PPHLN1: variants seen among roughly 807,000 people sequenced by gnomAD.
The protein encoded by PPHLN1 is periphilin-1.
Under a neutral mutation model 51.3 loss-of-function variants are expected in PPHLN1, and 29 were observed. The observed-to-expected ratio is 0.57, with a 90% CI of 0.42 to 0.77. The LOEUF is 0.77. Among genes scored for constraint, PPHLN1 ranks in the 30% least tolerant of loss-of-function variants. PPHLN1 has a pLI of 0.00. For missense variants in PPHLN1, 436 were observed against 438.4 expected, an observed-to-expected ratio of 0.99 and a Z score of 0.05; for synonymous variants, 147 against 147.8, an observed-to-expected ratio of 0.99 and a Z score of 0.04.
chr12:42,332,343 A>G (rs1158189870), intron 1 of PPHLN1, among the ~76,000 whole-genome samples: 1 of 152,240 alleles, frequency 6.6e-6, no homozygotes, highest in Non-Finnish European at 1.5e-5. Context: ...CATTGTTTAC[A>G]ATAACAGCTA....
At chr12:42,406,877 A>G (rs1465440800) in intron 9 of PPHLN1, among the ~76,000 whole-genome samples, 2 of 152,006 alleles carry the variant, frequency 1.3e-5, no homozygotes, top group Admixed American at 6.6e-5. Context: ...GATTTTATGT[A>G]TTGTTTGTAT....
chr12:42,435,024 A>C (rs2082358778), intron 9 of PPHLN1, among the ~76,000 whole-genome samples: 1 of 152,200 alleles, frequency 6.6e-6, no homozygotes, highest in Non-Finnish European at 1.5e-5. Flanking sequence ...ATTTTGTGGA[A>C]TCTGGTTTTG....
intron 2 of PPHLN1, among the ~76,000 whole-genome samples, chr12:42,349,081 A>G (rs916611857): frequency 1.3e-5 from 2 of 152,188 alleles, no homozygotes; most frequent in African/African-American, 4.8e-5. Flanking sequence ...TTTCCTAGCT[A>G]TTGAGAGATT....
chr12:42,422,406 A>G (rs2081085025), intron 9 of PPHLN1, among the ~76,000 whole-genome samples: 1 of 152,146 alleles, frequency 6.6e-6, no homozygotes, highest in African/African-American at 2.4e-5. Flanking sequence ...GCACATGGTA[A>G]TTTTCCATGA....
At chr12:42,418,319 C>T (rs1336441468) in intron 9 of PPHLN1, among the ~76,000 whole-genome samples, 2 of 148,296 alleles carry the variant, frequency 1.3e-5, no homozygotes, top group Non-Finnish European at 3.0e-5. Flanking sequence ...CAAAGATGAG[C>T]ACTGCAGAAT....
At chr12:42,368,652 C>T (rs2075507922) in intron 4 of PPHLN1, among the ~76,000 whole-genome samples, 1 of 152,052 alleles carries the variant, frequency 6.6e-6, no homozygotes, top group Admixed American at 6.5e-5. Flanking sequence ...CTCACAGAAC[C>T]CCCTTTTATG....
intron 1 of PPHLN1, among the ~76,000 whole-genome samples, chr12:42,327,646 C>G (rs2069007619): frequency 6.6e-6 from 1 of 152,218 alleles, no homozygotes; most frequent in Admixed American, 6.5e-5. Context: ...GCACTTCCCT[C>G]ACGGCATTTA....
At chr12:42,351,009 G>T (rs980926408) in intron 2 of PPHLN1, among the ~76,000 whole-genome samples, 1 of 151,976 alleles carries the variant, frequency 6.6e-6, no homozygotes. Flanking sequence ...GAGAGGGAGA[G>T]GGGGAGGGGA....
intron 2 of PPHLN1, among the ~76,000 whole-genome samples, chr12:42,340,447 A>G (rs1030547967): frequency 6.6e-6 from 1 of 152,258 alleles, no homozygotes; most frequent in Admixed American, 6.5e-5. Flanking sequence ...CAAACTGACA[A>G]CAAACCAGAT....
At chr12:42,349,609 C>G (rs1184550770) in intron 2 of PPHLN1, among the ~76,000 whole-genome samples, 2 of 152,200 alleles carry the variant, frequency 1.3e-5, no homozygotes, top group Non-Finnish European at 2.9e-5. Flanking sequence ...GGTGATGACT[C>G]TTAACGAGCA....
intron 5 of PPHLN1, among the ~76,000 whole-genome samples, chr12:42,377,946 C>A (rs2138845143): frequency 6.6e-6 from 1 of 152,236 alleles, no homozygotes; most frequent in African/African-American, 2.4e-5. Flanking sequence ...TCTCCAATAT[C>A]CTTCACTCAT....
At chr12:42,385,168 C>T (rs1387137768) in intron 6 of PPHLN1, among the ~76,000 whole-genome samples, 172 bp downstream of exon 6, 1 of 152,148 alleles carries the variant, frequency 6.6e-6, no homozygotes, top group African/African-American at 2.4e-5. Context: ...GGGCTGGTAT[C>T]TGGGCTAGCC....
chr12:42,338,301 C>T (rs1168710110), intron 2 of PPHLN1, among the ~76,000 whole-genome samples: 5 of 152,164 alleles, frequency 3.3e-5, no homozygotes, highest in Non-Finnish European at 5.9e-5. Flanking sequence ...ATCAACTGGG[C>T]ACCAGTCTGT....
chr12:42,399,314 GC>G (rs1234713688), intron 9 of PPHLN1: 1 of 874,490 alleles, frequency 1.1e-6, no homozygotes, highest in African/African-American at 1.8e-5. Flanking sequence ...CAAAATGTTA[GC>G]AAATGTTATT....
chr12:42,427,773 C>T (rs1399934531), intron 9 of PPHLN1, among the ~76,000 whole-genome samples: 1 of 152,154 alleles, frequency 6.6e-6, no homozygotes, highest in African/African-American at 2.4e-5. Context: ...CTTAATTAAA[C>T]TAAAGAGCTT....
intron 7 of PPHLN1, among the ~76,000 whole-genome samples, chr12:42,388,624 TTGTCTC>T (rs1398932587): frequency 3.9e-5 from 6 of 152,076 alleles, no homozygotes; most frequent in Non-Finnish European, 5.9e-5. Flanking sequence ...TCTCTATACT[TTGTCTC>T]TGTGTCTTAT....
chr12:42,346,198 C>A (rs919860829), intron 2 of PPHLN1, among the ~76,000 whole-genome samples: 2 of 152,104 alleles, frequency 1.3e-5, no homozygotes, highest in African/African-American at 4.8e-5. Flanking sequence ...ATCTTACTTA[C>A]CTATTTTGTA....
At chr12:42,357,761 A>C (rs2074206360) in intron 4 of PPHLN1, among the ~76,000 whole-genome samples, 1 of 152,110 alleles carries the variant, frequency 6.6e-6, no homozygotes, top group Non-Finnish European at 1.5e-5. Context: ...AATTTGATGG[A>C]TACGAGTGTA....
intron 2 of PPHLN1, chr12:42,343,944 A>G (rs1056506485): frequency 1.8e-5 from 8 of 436,688 alleles, no homozygotes; most frequent in Non-Finnish European, 3.6e-5. Flanking sequence ...ATAAGAATGT[A>G]TGTCATAGAC....
Sources: allele counts gnomAD v4.1 joint callset (sites outside exome capture counted in the v4.1 genomes callset), GRCh38; gene constraint gnomAD v4.1.1; transcripts MANE v1.5; gene names NCBI Gene and HGNC (gene_info 2026-07-23, HGNC 2026-07-21).